Variants in KIF26B observed in about 807,000 individuals in gnomAD.
The protein encoded by KIF26B is kinesin family member 26B.
KIF26B carries 63 observed loss-of-function variants against 151.2 expected under a neutral mutation model. The ratio of observed to expected loss-of-function variants is 0.42; its 90% CI spans 0.34 to 0.51. KIF26B has a LOEUF of 0.51. KIF26B is among the 20% of genes least tolerant of loss of function. The pLI is 0.07. For synonymous variants in KIF26B, 1,357 were observed against 1,262.1 expected, an observed-to-expected ratio of 1.08 and a Z score of -1.59; for missense variants, 2,813 against 2,913.6, an observed-to-expected ratio of 0.97 and a Z score of 0.79.
intron 3 of KIF26B, among the ~76,000 whole-genome samples, chr1:245,403,001 CT>C (rs2103027894): frequency 6.6e-6 from 1 of 152,326 alleles, no homozygotes; most frequent in Admixed American, 6.5e-5. Flanking sequence ...TGGGGTCTCA[CT>C]CTGTTGCCCA....
intron 4 of KIF26B, among the ~76,000 whole-genome samples, chr1:245,491,363 C>T (rs920800238): frequency 1.3e-5 from 2 of 152,154 alleles, no homozygotes; most frequent in African/African-American, 4.8e-5. Context: ...GCATTGTTGT[C>T]TGTTATGCTG....
At chr1:245,262,351 A>G (rs1391008602) in intron 2 of KIF26B, among the ~76,000 whole-genome samples, 1 of 152,210 alleles carries the variant, frequency 6.6e-6, no homozygotes, top group African/African-American at 2.4e-5. Flanking sequence ...ATTGGAAGAC[A>G]TGGGGCGGGT....
At chr1:245,316,744 T>C (rs1311208229) in intron 2 of KIF26B, among the ~76,000 whole-genome samples, 2 of 148,596 alleles carry the variant, frequency 1.3e-5, no homozygotes, top group South Asian at 4.2e-4. Context: ...TTCCCTATAC[T>C]GATTTGGTAC....
At chr1:245,211,384 A>C (rs772027485) in intron 2 of KIF26B, among the ~76,000 whole-genome samples, 14 of 152,164 alleles carry the variant, frequency 9.2e-5, no homozygotes, top group Non-Finnish European at 1.6e-4. Flanking sequence ...AGGGCCCAAA[A>C]TGATCCAGTG....
intron 2 of KIF26B, among the ~76,000 whole-genome samples, chr1:245,343,362 T>C (rs909278796): frequency 1.3e-5 from 2 of 150,268 alleles, no homozygotes; most frequent in East Asian, 1.9e-4. Flanking sequence ...TTCCATGCAA[T>C]CTTTTTTTTT....
At chr1:245,383,097 A>G (rs111776297) in intron 3 of KIF26B, among the ~76,000 whole-genome samples, 3,636 of 151,738 alleles carry the variant, frequency 0.024, 146 homozygotes, top group African/African-American at 0.084. Flanking sequence ...GAGAAGCTCT[A>G]TAAAGTCAAC....
Position 245,245,583 on chromosome 1 carries a change from C to T in KIF26B, c.465+88900C>T, listed in dbSNP as rs568719437. ...AGGTAGGCAGATCACCTGAAGTCAG[C>T]AGTTCAAGACCAGCCTGGCCAACAT... On this transcript the variant is annotated intron_variant, in intron 2 of 14. Transcript: ENST00000407071. Among the ~76,000 whole-genome samples the T allele has an allele frequency of 2.6e-5, 4 of 152,154 alleles. No individual in the cohort carries two copies. The South Asian group carries it at 6.2e-4, about 24-fold the overall frequency.
chr1:245,497,178 CTTTAA>C (rs1660531371), intron 4 of KIF26B, among the ~76,000 whole-genome samples: 2 of 150,974 alleles, frequency 1.3e-5, no homozygotes, highest in African/African-American at 4.9e-5. Context: ...AGATAAGTAT[CTTTAA>C]TTTATCATTA....
At chr1:245,462,734 T>C (rs1434713808) in intron 4 of KIF26B, among the ~76,000 whole-genome samples, 1 of 152,162 alleles carries the variant, frequency 6.6e-6, no homozygotes, top group Non-Finnish European at 1.5e-5. Context: ...GCACAGAATA[T>C]GAAGTTAGTT....
rs1069228 is a variant in KIF26B at position 245,451,025 on chromosome 1, C to T, written c.1166+31280C>T. ...CCCACGGCCATTACATTTCCTACAACGGAAACTTTGACTTTTGTTTTTTTT... is the reference window on the plus strand; with the variant it reads ...CCCACGGCCATTACATTTCCTACAATGGAAACTTTGACTTTTGTTTTTTTT... On this transcript the variant is annotated intron_variant, in intron 4 of 14. Coordinates refer to ENST00000407071, the MANE Select transcript of KIF26B (RefSeq NM_018012.4). 1.7e-3 allele frequency among the ~76,000 whole-genome samples: 260 copies of T among 151,960 alleles called. 3 individuals carry two copies. Among genetic ancestry groups the T allele is most frequent in the African/African-American group, 6.1e-3 (250 of 41,322 alleles).
chr1:245,278,416 C>G (rs1196264398), intron 2 of KIF26B, among the ~76,000 whole-genome samples: 1 of 152,144 alleles, frequency 6.6e-6, no homozygotes, highest in African/African-American at 2.4e-5. Flanking sequence ...ATTTTCAGAA[C>G]TCCTTTATTT....
chr1:245,157,014 T>G (rs949298147), intron 2 of KIF26B, among the ~76,000 whole-genome samples: 5 of 152,182 alleles, frequency 3.3e-5, no homozygotes, highest in African/African-American at 1.2e-4. Context: ...AGGCTGCGCT[T>G]TCGATGTTTC....
chr1:245,556,284 T>TCCC lies in KIF26B; in HGVS notation c.1350+15334_1350+15335insCCC, dbSNP rs1553287949. On this transcript the variant is annotated intron_variant, in intron 5 of 14. Coordinates refer to ENST00000407071, the MANE Select transcript of KIF26B (RefSeq NM_018012.4). The stretch of plus-strand genomic sequence containing the variant: ...CTCCCTCCTCCTCCTCTTCTTCTTC[T>TCCC]TCCTCCTCCTTCCTCCCTCCTCCTC... 2.3e-4 allele frequency among the ~76,000 whole-genome samples: 28 copies of TCCC among 123,634 alleles called. No individual in the cohort carries two copies. In the East Asian group the frequency reaches 3.0e-3, roughly 13 times the overall value. 81.1% of individuals were successfully genotyped at this position (123,634 alleles called of 152,430 possible).
rs2044797349 is a variant in KIF26B at position 245,703,229 on chromosome 1, A to C, written c.*623A>C. ...ATTTCTTAATCAGTATTGCTTATGAATAAATATTACCTGTCTTTTATGGTT... is the reference window on the plus strand; with the variant it reads ...ATTTCTTAATCAGTATTGCTTATGACTAAATATTACCTGTCTTTTATGGTT... On this transcript the variant is annotated 3_prime_UTR_variant, in exon 15 of 15. Transcript: ENST00000407071. The C allele has an allele frequency of 6.5e-6, 1 of 152,678 alleles. No individual in the cohort carries two copies. Among genetic ancestry groups the C allele is most frequent in the African/African-American group, 2.4e-5 (1 of 41,476 alleles). 9.5% of individuals were successfully genotyped at this position (152,678 alleles called of 1,614,324 possible). A position where few individuals can be genotyped will look rare whatever the true frequency, so the allele number is the denominator to read the frequency against.
chr1:245,441,360 C>T (rs896234493), intron 4 of KIF26B, among the ~76,000 whole-genome samples: 8 of 152,198 alleles, frequency 5.3e-5, no homozygotes, highest in Middle Eastern at 3.4e-3. Flanking sequence ...ACAAAAACAA[C>T]GGAAGGGTAC....
intron 2 of KIF26B, among the ~76,000 whole-genome samples, chr1:245,184,047 G>GTTTTTTTTTTTTTCATTTTTTTTTTTT: frequency 1.1e-4 from 1 of 9,252 alleles, no homozygotes; most frequent in Non-Finnish European, 2.2e-4. Flanking sequence ...GGTGGGAGTT[G>GTTTTTTTTTTTTTCATTTTTTTTTTTT]TTGTTTTTTT....
chr1:245,479,933 CA>C (rs2103068363), intron 4 of KIF26B, among the ~76,000 whole-genome samples: 1 of 151,852 alleles, frequency 6.6e-6, no homozygotes, highest in South Asian at 2.1e-4. Flanking sequence ...TGCAAATAGA[CA>C]AATTTCCACT....
chr1:245,632,225 G>C (rs529413999), intron 9 of KIF26B, among the ~76,000 whole-genome samples: 1 of 152,226 alleles, frequency 6.6e-6, no homozygotes, highest in African/African-American at 2.4e-5. Context: ...TTTAGGAATG[G>C]TGTTTTTCCA....
chr1:245,631,211 G>GA (rs1445976797), intron 9 of KIF26B, among the ~76,000 whole-genome samples: 4 of 151,730 alleles, frequency 2.6e-5, no homozygotes, highest in South Asian at 2.1e-4. Context: ...CCAGTTCTTA[G>GA]AAAAAAAAGG....
Sources: gnomAD v4.1 joint callset for allele counts (sites outside exome capture counted in the v4.1 genomes callset) on GRCh38, gnomAD v4.1.1 for gene constraint, MANE v1.5 for transcripts, NCBI Gene and HGNC (gene_info 2026-07-23, HGNC 2026-07-21) for gene names.